The following HSF2BP variants were observed in gnomAD, a reference collection of about 807,000 sequenced individuals.
HSF2BP encodes the protein heat shock factor 2-binding protein.
HSF2BP carries 35 observed loss-of-function variants against 35.0 expected under a neutral mutation model. The observed-to-expected ratio is 1.00, with a 90% CI of 0.76 to 1.32. HSF2BP has a LOEUF of 1.32. HSF2BP is among the 40% of genes most tolerant of loss of function. The pLI is 0.00. For missense variants in HSF2BP, 326 were observed against 321.7 expected, an observed-to-expected ratio of 1.01 and a Z score of -0.10; for synonymous variants, 114 against 117.4, an observed-to-expected ratio of 0.97 and a Z score of 0.18.
At chr21:43,620,671 G>C (rs2082320887) in intron 6 of HSF2BP, among the ~76,000 whole-genome samples, 1 of 151,970 alleles carries the variant, frequency 6.6e-6, no homozygotes, top group Non-Finnish European at 1.5e-5. Flanking sequence ...CTCCAGCCTG[G>C]GTAACAGAGC....
chr21:43,621,508 G>A (rs2082331225), intron 6 of HSF2BP, among the ~76,000 whole-genome samples: 1 of 151,362 alleles, frequency 6.6e-6, no homozygotes, highest in South Asian at 2.1e-4. Flanking sequence ...GCCTGGGCAA[G>A]AGAGCAAGAT....
At chr21:43,646,351 T>C (rs1478473102) in intron 3 of HSF2BP, among the ~76,000 whole-genome samples, 1 of 152,204 alleles carries the variant, frequency 6.6e-6, no homozygotes, top group South Asian at 2.1e-4. Flanking sequence ...ATACTTGCAT[T>C]ATTTGTAACA....
intron 6 of HSF2BP, among the ~76,000 whole-genome samples, chr21:43,623,153 G>A (rs1440413829): frequency 6.6e-6 from 1 of 151,892 alleles, no homozygotes; most frequent in East Asian, 1.9e-4. Context: ...TTAATAGCAA[G>A]AGGACCCTCA....
At chr21:43,603,860 A>G (rs965890377) in intron 7 of HSF2BP, among the ~76,000 whole-genome samples, 3 of 152,166 alleles carry the variant, frequency 2.0e-5, no homozygotes, top group Non-Finnish European at 4.4e-5. Flanking sequence ...AGTCACAACA[A>G]TGTCCCATGT....
intron 8 of HSF2BP, among the ~76,000 whole-genome samples, chr21:43,579,398 C>A (rs970517242): frequency 6.6e-6 from 1 of 152,162 alleles, no homozygotes; most frequent in Non-Finnish European, 1.5e-5. Flanking sequence ...ATTTTAGTAG[C>A]CTACTTTGAT....
intron 6 of HSF2BP, among the ~76,000 whole-genome samples, chr21:43,615,576 T>A (rs907265348): frequency 6.6e-6 from 1 of 152,200 alleles, no homozygotes; most frequent in Non-Finnish European, 1.5e-5. Flanking sequence ...TTTCTACTTG[T>A]CTTTGCAGCA....
At chr21:43,495,026 CA>C in the HSF2BP span, among the ~76,000 whole-genome samples, 224 of 73,712 alleles carry the variant, frequency 3.0e-3, 41 homozygotes, top group African/African-American at 0.014. Context: ...GTGAAGAGCA[CA>C]GGGGTACCCA....
intron 5 of HSF2BP, among the ~76,000 whole-genome samples, chr21:43,631,383 A>C (rs1568927434): frequency 6.6e-6 from 1 of 151,870 alleles, no homozygotes; most frequent in Non-Finnish European, 1.5e-5. Flanking sequence ...CGGCCATCGC[A>C]TCTGCCTCAA....
At chr21:43,624,581 T>C (rs1316385837) in intron 6 of HSF2BP, among the ~76,000 whole-genome samples, 1 of 152,144 alleles carries the variant, frequency 6.6e-6, no homozygotes, top group Non-Finnish European at 1.5e-5. Context: ...GACACAAAGG[T>C]GCTCTGCTGG....
rs943871024 is a variant in HSF2BP, at chr21:43,658,265, C to A, written c.-169G>T. On this transcript the variant is annotated 5_prime_UTR_variant, in exon 2 of 9. The change creates a new upstream start codon in the 5' untranslated region. Coordinates refer to ENST00000291560, the MANE Select transcript of HSF2BP (RefSeq NM_007031.2). ...CTCGGCCTAGAGAGCGAGGAGTGGC[C>A]TTGGCGAGGTCCCTCTTTGGCTCTT... 7.2e-5 allele frequency: 53 copies of A among 740,596 alleles called. No individual in the cohort carries two copies. The highest frequency in any genetic ancestry group is 1.0e-4 in the Non-Finnish European group (48 of 478,060). The allele number at this position is 740,596 out of a possible 1,614,324, so 45.9% of individuals were successfully genotyped here.
rs114215309 is a variant in HSF2BP at position 43,624,674 on chromosome 21, T to C, written c.574+5648A>G. Among the ~76,000 whole-genome samples, 167 of 152,316 alleles carry C rather than the reference T, an allele frequency of 1.1e-3. 1 individual carries two copies. The highest frequency in any genetic ancestry group is 3.8e-3 in the African/African-American group (160 of 41,560). On this transcript the variant is annotated intron_variant, in intron 6 of 8. Coordinates refer to ENST00000291560, the MANE Select transcript of HSF2BP (RefSeq NM_007031.2). ...CAAATTATCAATCATCAAAAAGTAA[T>C]TTTGATGCTGCAATTATTATCTAAC...
intron 7 of HSF2BP, among the ~76,000 whole-genome samples, chr21:43,604,346 C>T (rs1047680944): frequency 8.8e-5 from 12 of 137,102 alleles, no homozygotes; most frequent in Non-Finnish European, 1.9e-4. Context: ...ACATCACGCA[C>T]ACACCACACA....
At chr21:43,627,201 A>T (rs1250306884) in intron 6 of HSF2BP, among the ~76,000 whole-genome samples, 2 of 152,136 alleles carry the variant, frequency 1.3e-5, no homozygotes, top group Non-Finnish European at 2.9e-5. Context: ...TAGTTCCTGG[A>T]CTTTATCCCT....
In HSF2BP at chr21:43,607,335, A is replaced by G. The variant is rs759298311; in HGVS notation, c.692+6495T>C. On this transcript the variant is annotated intron_variant, in intron 7 of 8. Transcript: ENST00000291560. ...AAGCTGAGAGCCAAATCAACAACAC[A>G]ATCCTATTTACAACAGCCACACACA... is the stretch of plus-strand genomic sequence containing the variant. Among the ~76,000 whole-genome samples the G allele has an allele frequency of 7.9e-5, 12 of 152,044 alleles. No individual in the cohort carries two copies. The Middle Eastern group carries it at 0.014, about 174-fold the overall frequency.
chr21:43,645,047 T>C (rs952532035), intron 3 of HSF2BP, among the ~76,000 whole-genome samples: 3 of 152,230 alleles, frequency 2.0e-5, no homozygotes, highest in African/African-American at 7.2e-5. Flanking sequence ...AAATTTAAAA[T>C]TTTATGTTGC....
intron 6 of HSF2BP, among the ~76,000 whole-genome samples, chr21:43,617,879 G>A (rs1372204941): frequency 2.6e-5 from 4 of 152,052 alleles, no homozygotes; most frequent in East Asian, 1.9e-4. Context: ...ACTTGAACCC[G>A]GGAGGCAGAG....
chr21:43,591,022 GC>G (rs1445972947), intron 8 of HSF2BP, among the ~76,000 whole-genome samples: 2 of 152,112 alleles, frequency 1.3e-5, no homozygotes, highest in Non-Finnish European at 2.9e-5. Context: ...CATCAATAAA[GC>G]TATTTTTTAA....
chr21:43,581,932 C>T lies in HSF2BP; in HGVS notation c.796+10293G>A, dbSNP rs532520072. ...CCCTGCTGTGGGAGATGAGGGCCTG[C>T]CGTGGGGGATGAGGGTCTGCTGTGG... On this transcript the variant is annotated intron_variant, in intron 8 of 8. Coordinates refer to ENST00000291560, the MANE Select transcript of HSF2BP (RefSeq NM_007031.2). 4.6e-5 allele frequency among the ~76,000 whole-genome samples: 5 copies of T among 108,596 alleles called. No homozygotes were observed. In the South Asian group the frequency reaches 1.5e-3, roughly 33 times the overall value. The allele number at this position is 108,596 out of a possible 152,430, so 71.2% of individuals were successfully genotyped here.
At chr21:43,578,826 C>T (rs1427634218) in intron 8 of HSF2BP, among the ~76,000 whole-genome samples, 1 of 152,236 alleles carries the variant, frequency 6.6e-6, no homozygotes, top group Admixed American at 6.5e-5. Flanking sequence ...AGGGCCATGG[C>T]TGTCTGCTCC....
Sources: allele counts gnomAD v4.1 joint callset (sites outside exome capture counted in the v4.1 genomes callset), GRCh38; gene constraint gnomAD v4.1.1; transcripts MANE v1.5; gene names NCBI Gene and HGNC (gene_info 2026-07-23, HGNC 2026-07-21).